Variants in COL5A1 observed in about 807,000 individuals in gnomAD.
The protein encoded by COL5A1 is collagen alpha-1(V) chain.
Under a neutral mutation model 263.7 loss-of-function variants are expected in COL5A1, and 16 were observed. The ratio of observed to expected loss-of-function variants is 0.06; its 90% CI spans 0.04 to 0.09. The LOEUF (loss-of-function observed/expected upper bound fraction) is 0.09. Among genes scored for constraint, COL5A1 ranks in the 10% least tolerant of loss-of-function variants. The pLI, the probability that COL5A1 is intolerant of heterozygous loss-of-function variation, is 1.00. For missense variants in COL5A1, 2,036 were observed against 2,540.5 expected, an observed-to-expected ratio of 0.80 and a Z score of 4.27; for synonymous variants, 1,012 against 1,004.5, an observed-to-expected ratio of 1.01 and a Z score of -0.14.
chr9:134,659,045 T>C (rs1414905532), intron 1 of COL5A1, among the ~76,000 whole-genome samples: 1 of 152,028 alleles, frequency 6.6e-6, no homozygotes, highest in Non-Finnish European at 1.5e-5. Context: ...ATTTTACAGG[T>C]GAGAAGCAGG....
At chr9:134,761,055 T>C (rs1836409471) in intron 18 of COL5A1, among the ~76,000 whole-genome samples, 1 of 111,598 alleles carries the variant, frequency 9.0e-6, no homozygotes, top group East Asian at 2.9e-4. Flanking sequence ...ATGCCCACAC[T>C]CACACCCACA....
chr9:134,750,815 C>T lies in COL5A1; in HGVS notation c.1595C>T (p.Ala532Val), dbSNP rs369000939. ...LPFRFGGGGD[A>V]GSKGPMVSAQ... ...TTCCGGTTTGGAGGTGGCGGCGATG[C>T]GGGCTCCAAAGGCCCCATGGTCTCA... Residue 532 changes from alanine (A) to valine (V), a missense_variant, in exon 13 of 66, where the codon GCG (alanine) becomes GTG (valine). Around this residue, in one of 3 missense-constraint regions of COL5A1, gnomAD observed 1,078 missense variants for 1,521.4 expected, o/e 0.71. Coordinates refer to ENST00000371817, the MANE Select transcript of COL5A1 (RefSeq NM_000093.5). The T allele has an allele frequency of 3.3e-5, 53 of 1,613,098 alleles. No individual in the cohort carries two copies. Among genetic ancestry groups the T allele is most frequent in the East Asian group, 4.5e-5 (2 of 44,880 alleles).
Position 134,784,842 on chromosome 9 carries a change from G to C in COL5A1, c.2485-147G>C, listed in dbSNP as rs7873607. ...TGTCAGTGGCTCCGGGAGCAGCTCC[G>C]TGGTCTGAGTGAGGCCGAGCTGGTG... is the stretch of plus-strand genomic sequence containing the variant. On this transcript the variant is annotated intron_variant, in intron 29 of 65. Coordinates refer to ENST00000371817, the MANE Select transcript of COL5A1 (RefSeq NM_000093.5). The C allele has an allele frequency of 0.081, 54,275 of 670,670 alleles. 3,020 individuals are homozygous for C. The highest frequency in any genetic ancestry group is 0.2 in the African/African-American group (10,993 of 55,850). The allele number at this position is 670,670 out of a possible 1,614,324, so 41.5% of individuals were successfully genotyped here. A position where few individuals can be genotyped will look rare whatever the true frequency, so the allele number is the denominator to read the frequency against.
chr9:134,736,127 G>A (rs866592357), intron 9 of COL5A1, among the ~76,000 whole-genome samples: 19 of 152,360 alleles, frequency 1.2e-4, no homozygotes, highest in Admixed American at 2.0e-4. Flanking sequence ...CTGGTACCCA[G>A]CACCTCTGGC....
intron 11 of COL5A1, among the ~76,000 whole-genome samples, chr9:134,746,553 C>T (rs1438108774): frequency 6.6e-6 from 1 of 152,244 alleles, no homozygotes; most frequent in Non-Finnish European, 1.5e-5. Context: ...GTCACCCAGC[C>T]ACATCGTCTC....
intron 65 of COL5A1, among the ~76,000 whole-genome samples, chr9:134,837,561 C>T (rs373418735): frequency 2.6e-5 from 4 of 151,892 alleles, no homozygotes; most frequent in South Asian, 2.1e-4. Flanking sequence ...CAGAAGTCTT[C>T]GGCAATGCTT....
At chr9:134,784,883 C>T (rs1300444621) in intron 29 of COL5A1, 106 bp from the exon 30 acceptor site, 2 of 920,948 alleles carry the variant, frequency 2.2e-6, no homozygotes, top group East Asian at 5.0e-5. Context: ...GCTCTGACCA[C>T]AGGGTGCCTG....
chr9:134,801,252 C>T (rs1040133218), intron 37 of COL5A1, among the ~76,000 whole-genome samples: 2 of 152,240 alleles, frequency 1.3e-5, no homozygotes, highest in Non-Finnish European at 2.9e-5. Flanking sequence ...GTTTTAAATA[C>T]ATGCTGAGGA....
chr9:134,716,478 G>A lies in COL5A1; in HGVS notation c.655-10788G>A, dbSNP rs1184385895. 6.6e-6 allele frequency among the ~76,000 whole-genome samples: 1 copy of A among 152,184 alleles called. No homozygotes were observed. Among genetic ancestry groups the A allele is most frequent in the Non-Finnish European group, 1.5e-5 (1 of 68,036 alleles). ...AAAGTCAAGATGTGGAGAAGGAGCAGCTCAAGCGTGCACTGCCCAAGCCAC... is the reference window on the plus strand; with the variant it reads ...AAAGTCAAGATGTGGAGAAGGAGCAACTCAAGCGTGCACTGCCCAAGCCAC... On this transcript the variant is annotated intron_variant, in intron 4 of 65. Coordinates refer to ENST00000371817, the MANE Select transcript of COL5A1 (RefSeq NM_000093.5). The surrounding 1 kb of genome is among the most constrained non-coding windows in gnomAD (Gnocchi z 4.5).
In COL5A1 at chr9:134,823,102, G is replaced by A. The variant is rs116315757; in HGVS notation, c.4644+69G>A. 8.7e-4 allele frequency: 1,337 copies of A among 1,543,210 alleles called. 2 individuals are homozygous for A. Among genetic ancestry groups the A allele is most frequent in the African/African-American group, 4.4e-3 (322 of 73,434 alleles). On this transcript the variant is annotated intron_variant, in intron 60 of 65. Coordinates refer to ENST00000371817, the MANE Select transcript of COL5A1 (RefSeq NM_000093.5). ...GGGAGGGCGACGGGTCCCCTGGCAC[G>A]GGAACAAACTACCCAGACAACCGTC...
Position 134,842,464 on chromosome 9 carries a change from G to C in COL5A1, c.*161G>C, listed in dbSNP as rs55951876. 1.6e-5 allele frequency: 14 copies of C among 853,436 alleles called. No homozygotes were observed. Among genetic ancestry groups the C allele is most frequent in the Non-Finnish European group, 2.6e-5 (14 of 540,890 alleles). 52.9% of individuals were successfully genotyped at this position (853,436 alleles called of 1,614,324 possible). A position where few individuals can be genotyped will look rare whatever the true frequency, so the allele number is the denominator to read the frequency against. On this transcript the variant is annotated 3_prime_UTR_variant, in exon 66 of 66. Transcript: ENST00000371817. The surrounding 1 kb of genome is among the most constrained non-coding windows in gnomAD (Gnocchi z 5.8). ...CGGCACCACGGGGTGTGGGACCCCA[G>C]CCCGGAGAGAACAGAGGGAAGGAGC...
At chr9:134,732,456 G>A (rs1002535328) in intron 9 of COL5A1, 9 of 503,818 alleles carry the variant, frequency 1.8e-5, no homozygotes, top group African/African-American at 1.2e-4. Context: ...AGGCGGAGGC[G>A]GAGTCCCCTT....
chr9:134,764,545 A>G (rs2132723569), intron 20 of COL5A1, among the ~76,000 whole-genome samples: 1 of 152,244 alleles, frequency 6.6e-6, no homozygotes, highest in South Asian at 2.1e-4. Context: ...AAGCAGACAT[A>G]TATTTAGGCC....
At chr9:134,763,140 C>T (rs1482536600) in intron 19 of COL5A1, among the ~76,000 whole-genome samples, 1 of 152,178 alleles carries the variant, frequency 6.6e-6, no homozygotes, top group East Asian at 1.9e-4. Flanking sequence ...TGTGAGCATA[C>T]ATGCTTGCAT....
At chr9:134,828,725 T>TAC (rs1301677765) in intron 63 of COL5A1, among the ~76,000 whole-genome samples, 2 of 4,662 alleles carry the variant, frequency 4.3e-4, no homozygotes, top group African/African-American at 1.7e-3. Context: ...GCACCACACA[T>TAC]CAGACACACA....
intron 65 of COL5A1, among the ~76,000 whole-genome samples, chr9:134,839,473 A>G (rs1221070145): frequency 6.6e-6 from 1 of 152,166 alleles, no homozygotes; most frequent in African/African-American, 2.4e-5. Flanking sequence ...GCCATCGCTG[A>G]GAAGGGCTGT....
rs148645480 is a variant in COL5A1, at chr9:134,703,019, C to T, written c.654+1686C>T. 8.5e-4 allele frequency among the ~76,000 whole-genome samples: 129 copies of T among 152,332 alleles called. No individual in the cohort carries two copies. The Middle Eastern group carries it at 0.024, about 28-fold the overall frequency. On this transcript the variant is annotated intron_variant, in intron 4 of 65. Transcript: ENST00000371817. The stretch of plus-strand genomic sequence containing the variant: ...CAGACAGAAAGGCAGGACACAGCCC[C>T]GCGGCCCAGTGCAGACCGCAGAGGA...
chr9:134,668,896 C>T (rs1269957414), intron 1 of COL5A1, among the ~76,000 whole-genome samples: 3 of 151,572 alleles, frequency 2.0e-5, no homozygotes, highest in Non-Finnish European at 4.4e-5. Context: ...CCCATTCATC[C>T]ATCAATCCAT....
At position 134,700,403 on chromosome 9, in the gene COL5A1, T is replaced by C. The variant is rs1833629238; in HGVS notation, c.491+281T>C. 6.6e-6 allele frequency among the ~76,000 whole-genome samples: 1 copy of C among 152,234 alleles called. No homozygotes were observed. Among genetic ancestry groups the C allele is most frequent in the African/African-American group, 2.4e-5 (1 of 41,452 alleles). ...AGCACATCAAATTCCCGCCTGTTTG[T>C]GTCAGAAGGGACACAGGAAATTGTG... On this transcript the variant is annotated intron_variant, in intron 3 of 65. Coordinates refer to ENST00000371817, the MANE Select transcript of COL5A1 (RefSeq NM_000093.5). This position sits in a 1 kb window ranked among gnomAD's most constrained non-coding sequence, Gnocchi z 4.0.
Sources: allele counts gnomAD v4.1 joint callset (sites outside exome capture counted in the v4.1 genomes callset), GRCh38; gene constraint gnomAD v4.1.1; regional missense constraint gnomAD v4.1.1; non-coding constraint Gnocchi (gnomAD v3.1); transcripts MANE v1.5; gene names NCBI Gene and HGNC (gene_info 2026-07-23, HGNC 2026-07-21).